Variants in CPLX1 observed in about 807,000 individuals in gnomAD.
The protein encoded by CPLX1 is complexin 1.
In CPLX1, 6 loss-of-function variants were observed where a neutral mutation model predicts 15.6. The observed-to-expected ratio is 0.39, with a 90% confidence interval of 0.21 to 0.76. The LOEUF is 0.76. CPLX1 is among the 30% of genes least tolerant of loss of function. The pLI is 0.43. For synonymous variants in CPLX1, 91 were observed against 75.2 expected, an observed-to-expected ratio of 1.21 and a Z score of -1.08; for missense variants, 242 against 188.6, an observed-to-expected ratio of 1.28 and a Z score of -1.66.
At chr4:791,052 C>T (rs1746157040) in intron 3 of CPLX1, among the ~76,000 whole-genome samples, 1 of 152,122 alleles carries the variant, frequency 6.6e-6, no homozygotes, top group South Asian at 2.1e-4. Flanking sequence ...TCCTTCTCCT[C>T]CTGTCCCCGT....
chr4:825,558 T>C (rs1343051358), intron 1 of CPLX1, among the ~76,000 whole-genome samples: 1 of 151,798 alleles, frequency 6.6e-6, no homozygotes, highest in Admixed American at 6.5e-5. Context: ...CCCCTCGGCT[T>C]TGCGGGCGGG....
chr4:824,402 G>GGGGCCCAGGGGGCGTTTGAAGGTGA, intron 2 of CPLX1, 90 bp downstream of exon 2: 1 of 1,195,308 alleles, frequency 8.4e-7, no homozygotes, highest in Non-Finnish European at 1.2e-6. Context: ...CTGCAGGGGC[G>GGGGCCCAGGGGGCGTTTGAAGGTGA]CTGCTGCGGT....
At chr4:791,325 C>T (rs1467050927) in intron 3 of CPLX1, among the ~76,000 whole-genome samples, 1 of 151,470 alleles carries the variant, frequency 6.6e-6, no homozygotes, top group African/African-American at 2.4e-5. Flanking sequence ...AGCGGCTTCT[C>T]TGCACCCTCC....
intron 3 of CPLX1, chr4:787,594 C>A (rs1001831275): frequency 3.4e-5 from 28 of 830,414 alleles, no homozygotes; most frequent in African/African-American, 7.5e-5. Context: ...GAGGAGGTCG[C>A]GAGTGGTCAA....
chr4:807,110 G>A (rs1746569706), intron 2 of CPLX1, among the ~76,000 whole-genome samples: 1 of 152,224 alleles, frequency 6.6e-6, no homozygotes, highest in African/African-American at 2.4e-5. Context: ...TAAAGAAAAT[G>A]TGGTACATAT....
At chr4:795,806 G>T (rs562303877) in intron 2 of CPLX1, among the ~76,000 whole-genome samples, 5 of 105,756 alleles carry the variant, frequency 4.7e-5, no homozygotes, top group African/African-American at 2.4e-4. Context: ...GAGAGGGGGT[G>T]GGGGGGGGGT....
intron 2 of CPLX1, among the ~76,000 whole-genome samples, chr4:806,758 T>A (rs1202947650): frequency 5.9e-5 from 9 of 152,042 alleles, no homozygotes. Flanking sequence ...GAAATGCAAA[T>A]CAAAACTACA....
intron 2 of CPLX1, among the ~76,000 whole-genome samples, chr4:821,657 G>A (rs1576999272): frequency 6.6e-6 from 1 of 152,176 alleles, no homozygotes; most frequent in Non-Finnish European, 1.5e-5. Flanking sequence ...CTCCCTTGAG[G>A]ACCCTGGATC....
intron 2 of CPLX1, among the ~76,000 whole-genome samples, chr4:809,178 G>A (rs898746690): frequency 6.6e-6 from 1 of 152,276 alleles, no homozygotes; most frequent in South Asian, 2.1e-4. Context: ...TCCTCACGCT[G>A]TGAACCGTAT....
intron 2 of CPLX1, among the ~76,000 whole-genome samples, chr4:815,690 G>T (rs1309788349): frequency 6.6e-6 from 1 of 152,204 alleles, no homozygotes; most frequent in Admixed American, 6.5e-5. Context: ...ACAGTATCTT[G>T]TTCAGTCTCA....
intron 3 of CPLX1, 79 bp from the exon 4 acceptor site, chr4:786,777 C>T: frequency 6.7e-7 from 1 of 1,492,396 alleles, no homozygotes; most frequent in South Asian, 1.3e-5. Flanking sequence ...CAGGGACTGG[C>T]CCAGGAACCC....
At chr4:811,076 T>C (rs1210725180) in intron 2 of CPLX1, among the ~76,000 whole-genome samples, 3 of 152,190 alleles carry the variant, frequency 2.0e-5, no homozygotes, top group Non-Finnish European at 4.4e-5. Context: ...CATGGCTCAC[T>C]GCAGCCTTGA....
intron 2 of CPLX1, among the ~76,000 whole-genome samples, chr4:815,869 A>G (rs1172782077): frequency 6.6e-6 from 1 of 152,180 alleles, no homozygotes; most frequent in Non-Finnish European, 1.5e-5. Context: ...CCAACTCTGT[A>G]ACTTGGACTT....
rs1489222482 is a variant in CPLX1, at chr4:786,456, AG to A, written c.*44del. ...TCAGGGGCCTCCGCGGAGGATCTGT[AG>A]GGGGAGGGGCGGGGGCTCCGCGGGG... On this transcript the variant is annotated 3_prime_UTR_variant, in exon 4 of 4. Coordinates refer to ENST00000304062, the MANE Select transcript of CPLX1 (RefSeq NM_006651.4). 2 of 1,477,540 alleles carry A rather than the reference AG, an allele frequency of 1.4e-6. No individual in the cohort carries two copies. Among genetic ancestry groups the A allele is most frequent in the Admixed American group, 4.2e-5 (2 of 47,442 alleles). 91.5% of individuals were successfully genotyped at this position (1,477,540 alleles called of 1,614,324 possible).
intron 2 of CPLX1, among the ~76,000 whole-genome samples, chr4:821,827 T>C (rs1282074511): frequency 6.6e-6 from 1 of 152,022 alleles, no homozygotes; most frequent in African/African-American, 2.4e-5. Context: ...CAGCGTTGGG[T>C]CAGATGAGCA....
chr4:789,204 G>T (rs1259795283), intron 3 of CPLX1, among the ~76,000 whole-genome samples: 1 of 152,220 alleles, frequency 6.6e-6, no homozygotes, highest in East Asian at 1.9e-4. Flanking sequence ...TGGTCTGGCT[G>T]AGACCCAGTT....
At position 788,107 on chromosome 4, in the gene CPLX1, A is replaced by AT. The variant is rs1746057271; in HGVS notation, c.208-1410_208-1409insA. On this transcript the variant is annotated intron_variant, in intron 3 of 3. Coordinates refer to ENST00000304062, the MANE Select transcript of CPLX1 (RefSeq NM_006651.4). ...CACCGCGGGATCACCAGCCACAGGG[A>AT]GGGGCCTTTCTGCCCAGGAGGAGCC... is the stretch of plus-strand genomic sequence containing the variant. The AT allele has an allele frequency of 5.1e-6, 5 of 985,242 alleles. No individual in the cohort carries two copies. The Admixed American group carries it at 3.1e-4, about 61-fold the overall frequency. 61.0% of individuals were successfully genotyped at this position (985,242 alleles called of 1,614,324 possible).
chr4:814,294 C>T (rs1196054389), intron 2 of CPLX1, among the ~76,000 whole-genome samples: 1 of 152,144 alleles, frequency 6.6e-6, no homozygotes, highest in Non-Finnish European at 1.5e-5. Context: ...CTCACTGCAA[C>T]CTCTGCCTCC....
intron 2 of CPLX1, among the ~76,000 whole-genome samples, chr4:814,085 C>G (rs1746707645): frequency 6.6e-6 from 1 of 152,202 alleles, no homozygotes; most frequent in African/African-American, 2.4e-5. Context: ...AGGCCTCTCT[C>G]CCGTCCAGCA....
Sources: allele counts gnomAD v4.1 joint callset (sites outside exome capture counted in the v4.1 genomes callset), GRCh38; gene constraint gnomAD v4.1.1; transcripts MANE v1.5; gene names NCBI Gene and HGNC (gene_info 2026-07-23, HGNC 2026-07-21).